Variants in ZC3H4 observed in about 807,000 individuals in gnomAD.
ZC3H4 encodes zinc finger CCCH-type containing 4.
Under a neutral mutation model 108.3 loss-of-function variants are expected in ZC3H4, and 13 were observed. That is an observed-to-expected ratio of 0.12 (90% CI 0.08 to 0.19). The LOEUF is 0.19. ZC3H4 is among the 10% of genes least tolerant of loss of function. ZC3H4 has a pLI of 1.00. For synonymous variants in ZC3H4, 917 were observed against 749.6 expected, an observed-to-expected ratio of 1.22 and a Z score of -3.65; for missense variants, 1,734 against 1,838.8, an observed-to-expected ratio of 0.94 and a Z score of 1.04.
chr19:47,072,439 T>G lies in ZC3H4; in HGVS notation c.1715A>C (p.Gln572Pro), dbSNP rs1329477833. The G allele has an allele frequency of 1.2e-6, 2 of 1,607,444 alleles. No homozygotes were observed. The highest frequency in any genetic ancestry group is 4.5e-5 in the East Asian group (2 of 44,428). The change falls in exon 12 of 15, where the codon CAG becomes CCG. Residue 572 changes from glutamine (Q) to proline (P), a missense_variant. By Grantham distance (76) the Gln-to-Pro change is moderately conservative (BLOSUM62 -1). Transcript: ENST00000253048. This position sits in a 1 kb window ranked among gnomAD's most constrained non-coding sequence, Gnocchi z 5.6. Reference sequence around the variant, plus strand: ...GATCTTCTTGTTGTACATGTCCTGCTGCTGCAGCTGCTGCGGGGACAGTGG... The same window carrying G: ...GATCTTCTTGTTGTACATGTCCTGCGGCTGCAGCTGCTGCGGGGACAGTGG... Reference protein sequence around the residue: ...HEPLSPQQLQQQDMYNKKIPS... With the variant: ...HEPLSPQQLQPQDMYNKKIPS...
Position 47,067,689 on chromosome 19 carries a change from G to C in ZC3H4, c.2579C>G (p.Ala860Gly), listed in dbSNP as rs975421283. The C allele has an allele frequency of 1.2e-6, 2 of 1,600,302 alleles. No individual in the cohort carries two copies. Among genetic ancestry groups the C allele is most frequent in the African/African-American group, 1.3e-5 (1 of 74,820 alleles). ...GGGGTCCCGGCTGAGGCGAGGGTCA[G>C]CCAGCCGGCTTCCTGTGGGGTGTCC... ...QKGHPTGSRL[A>G]DPRLSRDPRL... Residue 860 changes from alanine (A) to glycine (G), a missense_variant, in exon 15 of 15, where the codon GCT becomes GGT. Transcript: ENST00000253048. The surrounding 1 kb of genome is among the most constrained non-coding windows in gnomAD (Gnocchi z 6.4).
chr19:47,081,113 T>C (rs1261287884), intron 11 of ZC3H4, among the ~76,000 whole-genome samples: 1 of 152,182 alleles, frequency 6.6e-6, no homozygotes, highest in African/African-American at 2.4e-5. Flanking sequence ...ATGCCTAGGC[T>C]GGTCTTGAAC....
chr19:47,073,624 C>CA (rs1392277378), intron 11 of ZC3H4, among the ~76,000 whole-genome samples: 2 of 152,206 alleles, frequency 1.3e-5, no homozygotes, highest in African/African-American at 2.4e-5. Flanking sequence ...GGCACATTAA[C>CA]AATGTTATGT....
Position 47,065,697 on chromosome 19 carries a change from G to A in ZC3H4, c.*659C>T, listed in dbSNP as rs2057183526. 6.5e-6 allele frequency: 1 copy of A among 152,890 alleles called. No individual in the cohort carries two copies. The highest frequency in any genetic ancestry group is 6.5e-5 in the Admixed American group (1 of 15,286). The allele number at this position is 152,890 out of a possible 1,614,324, so 9.5% of individuals were successfully genotyped here. ...GGGCATCCGCTTGCTCTAGACGGAG[G>A]GTGGCAGGGAGGGCACGTGTGGTAA... On this transcript the variant is annotated 3_prime_UTR_variant, in exon 15 of 15. Coordinates refer to ENST00000253048, the MANE Select transcript of ZC3H4 (RefSeq NM_015168.2).
rs1412940489 is a variant in ZC3H4, at chr19:47,065,754, G to GC, written c.*601dup. On this transcript the variant is annotated 3_prime_UTR_variant, in exon 15 of 15. Coordinates refer to ENST00000253048, the MANE Select transcript of ZC3H4 (RefSeq NM_015168.2). ...GACAGGAGCAGGCATGCGCCAGGGA[G>GC]CCCCCATAGTGCCGCTGGGGGCTTT... 6.5e-6 allele frequency: 1 copy of GC among 152,730 alleles called. No individual in the cohort carries two copies. The highest frequency in any genetic ancestry group is 1.5e-5 in the Non-Finnish European group (1 of 68,272). The allele number at this position is 152,730 out of a possible 1,614,324, so 9.5% of individuals were successfully genotyped here.
At chr19:47,085,245 C>G (rs1397988902) in intron 7 of ZC3H4, 50 bp from the exon 8 acceptor site, 1 of 1,576,420 alleles carries the variant, frequency 6.3e-7, no homozygotes, top group Non-Finnish European at 8.7e-7. Context: ...CCTCCCCCAC[C>G]CCCAGGACTA....
At chr19:47,074,564 C>A (rs1161948131) in intron 11 of ZC3H4, among the ~76,000 whole-genome samples, 1 of 152,236 alleles carries the variant, frequency 6.6e-6, no homozygotes, top group African/African-American at 2.4e-5. Context: ...TGGGAAGCTG[C>A]ATTTTGGGAG....
intron 2 of ZC3H4, among the ~76,000 whole-genome samples, chr19:47,103,619 A>G (rs2123074343): frequency 6.6e-6 from 1 of 152,178 alleles, no homozygotes; most frequent in East Asian, 1.9e-4. Context: ...CCCTGTCTCC[A>G]CTAAAAATAT....
intron 11 of ZC3H4, among the ~76,000 whole-genome samples, chr19:47,075,626 A>C (rs779197201): frequency 8.6e-5 from 13 of 151,832 alleles, no homozygotes; most frequent in Admixed American, 2.0e-4. Flanking sequence ...ACACATACAC[A>C]CACACACTCA....
intron 2 of ZC3H4, among the ~76,000 whole-genome samples, chr19:47,099,099 G>A (rs73059395): frequency 6.6e-6 from 1 of 152,186 alleles, no homozygotes; most frequent in Non-Finnish European, 1.5e-5. Flanking sequence ...GCTAGCATGA[G>A]GGCATCTCTC....
intron 2 of ZC3H4, among the ~76,000 whole-genome samples, chr19:47,106,377 C>T (rs990901684): frequency 2.0e-5 from 3 of 152,132 alleles, no homozygotes; most frequent in Admixed American, 6.6e-5. Flanking sequence ...GCCAAGAGTT[C>T]GAGGCTGCAG....
At chr19:47,084,523 TAAG>T in intron 8 of ZC3H4, 68 bp from the exon 9 acceptor site, 3 of 1,498,466 alleles carry the variant, frequency 2.0e-6, no homozygotes, top group Non-Finnish European at 2.8e-6. Flanking sequence ...TCGGGGTTAA[TAAG>T]AAGCACGGGA....
At chr19:47,083,587 T>C (rs1183060084) in intron 9 of ZC3H4, among the ~76,000 whole-genome samples, 1 of 151,442 alleles carries the variant, frequency 6.6e-6, no homozygotes, top group Non-Finnish European at 1.5e-5. Flanking sequence ...CAGGCACCTA[T>C]AGTCTCAGCT....
At chr19:47,085,270 C>T in intron 7 of ZC3H4, 48 bp downstream of exon 7, 1 of 1,487,580 alleles carries the variant, frequency 6.7e-7, no homozygotes, top group Non-Finnish European at 9.2e-7. Context: ...CCAGCAGCTG[C>T]TGGAATCCCT....
Position 47,066,719 on chromosome 19 carries a change from G to T in ZC3H4, c.3549C>A (p.Ser1183=). 1 of 1,607,768 alleles carries T rather than the reference G, an allele frequency of 6.2e-7. No homozygotes were observed. Among genetic ancestry groups the T allele is most frequent in the Non-Finnish European group, 8.5e-7 (1 of 1,178,546 alleles). The change falls in exon 15 of 15, where the codon TCC becomes TCA. Residue 1183 remains serine (S), a synonymous_variant. Coordinates refer to ENST00000253048, the MANE Select transcript of ZC3H4 (RefSeq NM_015168.2). ...GGACGAACGGGGGCTCCTTAGCCTT[G>T]GAGGCCGAGCTCTTGCCATTGCCCT... is the stretch of plus-strand genomic sequence containing the variant. ...GAEGNGKSSA[S]KAKEPPFVRK... is the part of the protein sequence containing the mutation.
In ZC3H4 at chr19:47,090,055, C is replaced by T. The variant is rs753660287; in HGVS notation, c.627G>A (p.Glu209=). 3 of 1,614,216 alleles carry T rather than the reference C, an allele frequency of 1.9e-6. No homozygotes were observed. The highest frequency in any genetic ancestry group is 1.1e-5 in the South Asian group (1 of 91,090). The change falls in exon 5 of 15, where the codon GAG becomes GAA. Residue 209 remains glutamate, a synonymous_variant. Transcript: ENST00000253048. Reference sequence around the variant, plus strand: ...CATAGTCCTCCTTGCCCATGTCCTCCTCCTCGTCGCCCTCATATTCCCCAT... The same window carrying T: ...CATAGTCCTCCTTGCCCATGTCCTCTTCCTCGTCGCCCTCATATTCCCCAT... ...EQYGEYEGDE[E]EDMGKEDYDD... is the part of the protein sequence containing the mutation.
At chr19:47,078,423 G>A (rs1203147795) in intron 11 of ZC3H4, among the ~76,000 whole-genome samples, 6 of 151,568 alleles carry the variant, frequency 4.0e-5, no homozygotes, top group Non-Finnish European at 8.8e-5. Context: ...GGCGGAGGTT[G>A]CAGTGAGCCG....
At chr19:47,112,650 C>A in intron 1 of ZC3H4, 61 bp from the exon 2 acceptor site, 1 of 1,152,056 alleles carries the variant, frequency 8.7e-7, no homozygotes, top group Non-Finnish European at 1.1e-6. Flanking sequence ...GCGGGAGGGG[C>A]ACACTTAAGC....
chr19:47,067,769 C>T lies in ZC3H4; in HGVS notation c.2499G>A (p.Pro833=), dbSNP rs371264282. The T allele has an allele frequency of 8.1e-5, 130 of 1,609,224 alleles. No homozygotes were observed. The African/African-American group carries it at 8.5e-4, about 11-fold the overall frequency. ...TLRQQTSSRP[P]ASVGELSSSG... ...TGCTGCTCAGCTCCCCAACTGAAGC[C>T]GGGGGTCGGCTGGACGTCTGCTGCC... is the stretch of plus-strand genomic sequence containing the variant. Residue 833 remains proline (P), a synonymous_variant, in exon 15 of 15, where the codon CCG becomes CCA. Coordinates refer to ENST00000253048, the MANE Select transcript of ZC3H4 (RefSeq NM_015168.2). This position sits in a 1 kb window ranked among gnomAD's most constrained non-coding sequence, Gnocchi z 6.4.
Sources: allele counts gnomAD v4.1 joint callset (sites outside exome capture counted in the v4.1 genomes callset), GRCh38; gene constraint gnomAD v4.1.1; non-coding constraint Gnocchi (gnomAD v3.1); transcripts MANE v1.5; gene names NCBI Gene and HGNC (gene_info 2026-07-23, HGNC 2026-07-21).